The following NBEAL1 variants were observed in gnomAD, a reference collection of about 807,000 sequenced individuals.
The protein encoded by NBEAL1 is neurobeachin-like protein 1.
A neutral mutation model predicts 351.3 loss-of-function variants in NBEAL1; 273 were observed. The ratio of observed to expected loss-of-function variants is 0.78; its 90% confidence interval spans 0.70 to 0.86. NBEAL1 has a LOEUF of 0.86. NBEAL1 is among the 40% of genes least tolerant of loss of function. NBEAL1 has a pLI of 0.00. For synonymous variants in NBEAL1, 1,050 were observed against 1,086.4 expected, an observed-to-expected ratio of 0.97 and a Z score of 0.66; for missense variants, 2,961 against 3,201.3, an observed-to-expected ratio of 0.92 and a Z score of 1.81.
chr2:203,065,367 A>G (rs1243691929), intron 6 of NBEAL1, among the ~76,000 whole-genome samples: 3 of 152,176 alleles, frequency 2.0e-5, no homozygotes, highest in Non-Finnish European at 2.9e-5. Flanking sequence ...CAGAACTTGA[A>G]CTTTTTCCAA....
chr2:203,153,872 G>A (rs1047813011), intron 35 of NBEAL1, among the ~76,000 whole-genome samples: 2 of 151,728 alleles, frequency 1.3e-5, no homozygotes, highest in African/African-American at 2.4e-5. Flanking sequence ...CTCACCCCTC[G>A]ACACATGCAC....
chr2:203,015,243 T>A (rs1286245610), intron 1 of NBEAL1, among the ~76,000 whole-genome samples: 1 of 152,178 alleles, frequency 6.6e-6, no homozygotes, highest in Non-Finnish European at 1.5e-5. Context: ...TGTCTTGGGA[T>A]GTGAGGAGGA....
intron 31 of NBEAL1, among the ~76,000 whole-genome samples, chr2:203,140,928 G>A (rs553524267): frequency 2.4e-4 from 37 of 152,092 alleles, no homozygotes; most frequent in Admixed American, 2.0e-3. Flanking sequence ...GCAGTGAGCC[G>A]AGATCATGCC....
In NBEAL1 at chr2:203,049,898, G is replaced by C; in HGVS notation, c.228G>C (p.Gln76His). The C allele has an allele frequency of 6.4e-7, 1 of 1,556,976 alleles. No individual in the cohort carries two copies. Among genetic ancestry groups the C allele is most frequent in the Non-Finnish European group, 8.7e-7 (1 of 1,148,530 alleles). ...GGATCCAGCTTCTACAGTGTGTTCA[G>C]AAAATGGCAGATGGGTTAGAGGAAC... is the stretch of plus-strand genomic sequence containing the variant. ...VLRIQLLQCV[Q>H]KMADGLEEQQ... Residue 76 changes from glutamine (Q) to histidine (H), a missense_variant, in exon 4 of 56, where the codon CAG becomes CAC. Physicochemically the swap from Gln to His is conservative, Grantham distance 24. Coordinates refer to ENST00000683969, the MANE Select transcript of NBEAL1 (RefSeq NM_001378026.1).
chr2:203,128,284 TTC>T (rs1327817776), intron 24 of NBEAL1, among the ~76,000 whole-genome samples: 12 of 123,370 alleles, frequency 9.7e-5, no homozygotes, highest in African/African-American at 3.2e-4. Context: ...TTTTTTTTTT[TTC>T]CGGTAAAGAC....
chr2:203,026,452 G>T (rs533727039), intron 2 of NBEAL1, among the ~76,000 whole-genome samples: 6 of 151,992 alleles, frequency 3.9e-5, no homozygotes, highest in Admixed American at 3.3e-4. Flanking sequence ...TAATTGAAAA[G>T]AATCACTGTT....
chr2:203,042,855 G>C (rs2061166727), intron 3 of NBEAL1, among the ~76,000 whole-genome samples: 1 of 152,106 alleles, frequency 6.6e-6, no homozygotes, highest in South Asian at 2.1e-4. Flanking sequence ...CAAAGTGCTG[G>C]GATTATAGGT....
In NBEAL1 at chr2:203,132,136, T is replaced by C; in HGVS notation, c.3724+4T>C. 1 of 1,469,560 alleles carries C rather than the reference T, an allele frequency of 6.8e-7. No individual in the cohort carries two copies. The highest frequency in any genetic ancestry group is 1.3e-5 in the South Asian group (1 of 77,234). The allele number at this position is 1,469,560 out of a possible 1,614,324, so 91.0% of individuals were successfully genotyped here. A position where few individuals can be genotyped will look rare whatever the true frequency, so the allele number is the denominator to read the frequency against. On this transcript the variant is annotated splice_donor_region_variant and intron_variant, in intron 26 of 55. Coordinates refer to ENST00000683969, the MANE Select transcript of NBEAL1 (RefSeq NM_001378026.1). ...ACCCATCAAATCATAAATACAGGTA[T>C]GAATAAGGCTAATAAAGCTAACATA...
chr2:203,085,849 A>G (rs1440665996), intron 10 of NBEAL1: 2 of 152,208 alleles, frequency 1.3e-5, no homozygotes, highest in Non-Finnish European at 2.9e-5. Context: ...TAATTCCCAT[A>G]CTTCCTAATG....
At chr2:203,126,970 G>A in intron 23 of NBEAL1, 44 bp downstream of exon 23, 2 of 1,324,638 alleles carry the variant, frequency 1.5e-6, no homozygotes, top group Non-Finnish European at 2.1e-6. Context: ...ATTATTTTCT[G>A]TCTGCTACTT....
intron 18 of NBEAL1, among the ~76,000 whole-genome samples, chr2:203,119,094 T>C (rs1433657073): frequency 6.6e-6 from 1 of 151,988 alleles, no homozygotes; most frequent in African/African-American, 2.4e-5. Context: ...ACTGAAGGAA[T>C]GTTTCTGCAA....
intron 18 of NBEAL1, among the ~76,000 whole-genome samples, chr2:203,118,484 T>C (rs1158813635): frequency 1.3e-5 from 2 of 152,230 alleles, no homozygotes; most frequent in African/African-American, 4.8e-5. Context: ...GCAGGAATTG[T>C]ATCTTACACC....
intron 5 of NBEAL1, 57 bp from the exon 6 acceptor site, chr2:203,057,269 T>C: frequency 6.9e-7 from 1 of 1,457,552 alleles, no homozygotes; most frequent in Non-Finnish European, 9.3e-7. Context: ...TACAAATGAC[T>C]TATTGTTAGA....
At chr2:203,088,274 A>G (rs1225168107) in intron 10 of NBEAL1, among the ~76,000 whole-genome samples, 2 of 152,162 alleles carry the variant, frequency 1.3e-5, no homozygotes, top group African/African-American at 4.8e-5. Flanking sequence ...TTTTTTCACT[A>G]CCAGTAAGTC....
intron 10 of NBEAL1, among the ~76,000 whole-genome samples, chr2:203,090,169 G>A (rs945418483): frequency 5.3e-5 from 8 of 152,040 alleles, no homozygotes; most frequent in Admixed American, 5.2e-4. Context: ...CACCTTATAA[G>A]TTCTCATGTA....
chr2:203,167,101 G>T, intron 37 of NBEAL1, 126 bp from the exon 38 acceptor site: 2 of 812,676 alleles, frequency 2.5e-6, no homozygotes, highest in Non-Finnish European at 1.9e-6. Flanking sequence ...TTAACAAATG[G>T]TTTATATAGT....
chr2:203,105,214 G>T (rs2062408453), intron 12 of NBEAL1, among the ~76,000 whole-genome samples: 1 of 151,910 alleles, frequency 6.6e-6, no homozygotes, highest in Non-Finnish European at 1.5e-5. Flanking sequence ...TGTGATCCCA[G>T]CACTTTGGGA....
Position 203,148,765 on chromosome 2 carries a change from G to GT in NBEAL1, c.5305-216dup, listed in dbSNP as rs956985274. The stretch of plus-strand genomic sequence containing the variant: ...TTCTTCACGTGTTTATTGTTGGTTG[G>GT]TTTTTTTTTTAAGTTTTAAAAAATA... On this transcript the variant is annotated intron_variant, in intron 33 of 55. Transcript: ENST00000683969. Among the ~76,000 whole-genome samples, 17 of 147,128 alleles carry GT rather than the reference G, an allele frequency of 1.2e-4. No homozygotes were observed. In the East Asian group the frequency reaches 1.2e-3, roughly 10 times the overall value.
At chr2:203,097,002 A>T (rs1159260358) in intron 10 of NBEAL1, among the ~76,000 whole-genome samples, 1 of 152,224 alleles carries the variant, frequency 6.6e-6, no homozygotes, top group Admixed American at 6.5e-5. Context: ...AAGTTTAATG[A>T]ACTCACGGTT....
Sources: allele counts gnomAD v4.1 joint callset (sites outside exome capture counted in the v4.1 genomes callset), GRCh38; gene constraint gnomAD v4.1.1; transcripts MANE v1.5; gene names NCBI Gene and HGNC (gene_info 2026-07-23, HGNC 2026-07-21).